SPECC1: variants seen among roughly 807,000 people sequenced by gnomAD.
SPECC1 encodes cytospin-B.
A neutral mutation model predicts 104.1 loss-of-function variants in SPECC1; 62 were observed. The ratio of observed to expected loss-of-function variants is 0.60; its 90% CI spans 0.49 to 0.74. SPECC1 has a LOEUF of 0.74. Among genes scored for constraint, SPECC1 ranks in the 30% least tolerant of loss-of-function variants. The probability of loss-of-function intolerance (pLI) is 0.00; values close to 1 mark genes in which losing one functional copy is unlikely to be tolerated. For synonymous variants in SPECC1, 513 were observed against 501.6 expected, an observed-to-expected ratio of 1.02 and a Z score of -0.30; for missense variants, 1,306 against 1,310.5, an observed-to-expected ratio of 1.00 and a Z score of 0.05.
intron 1 of SPECC1, among the ~76,000 whole-genome samples, chr17:20,070,039 T>A (rs1412463262): frequency 6.6e-6 from 1 of 152,144 alleles, no homozygotes; most frequent in Non-Finnish European, 1.5e-5. Context: ...TTTATACATA[T>A]AAGAGCATGT....
intron 12 of SPECC1, among the ~76,000 whole-genome samples, chr17:20,279,323 C>CTTTTTTTTTTTTTTTT (rs548300449): frequency 1.8e-5 from 2 of 113,732 alleles, no homozygotes; most frequent in African/African-American, 3.2e-5. Flanking sequence ...TTTTTTTTTT[C>CTTTTTTTTTTTTTTTT]TTTTTTTTTT....
chr17:20,236,863 C>T (rs756364489), intron 7 of SPECC1: 2 of 1,613,886 alleles, frequency 1.2e-6, no homozygotes, highest in Admixed American at 3.3e-5. Context: ...TTCACAGCTC[C>T]CTGGGCTCTG....
rs576431565 is a variant in SPECC1 at position 20,126,703 on chromosome 17, A to T, written c.283+16141A>T. On this transcript the variant is annotated intron_variant, in intron 3 of 14. Coordinates refer to ENST00000395527, the MANE Select transcript of SPECC1 (RefSeq NM_001243439.2). The stretch of plus-strand genomic sequence containing the variant: ...GTTCTTGCTGTTTTGTGCATGTGTG[A>T]CCCCAGTTGTGTTAAATGCTAGTGA... 5.9e-5 allele frequency among the ~76,000 whole-genome samples: 9 copies of T among 152,094 alleles called. No individual in the cohort carries two copies. The East Asian group carries it at 1.4e-3, about 23-fold the overall frequency.
intron 1 of SPECC1, among the ~76,000 whole-genome samples, chr17:20,069,453 G>A (rs2152479782): frequency 6.6e-6 from 1 of 152,214 alleles, no homozygotes; most frequent in East Asian, 1.9e-4. Context: ...AAGTTTTACA[G>A]CTATATTTTC....
At chr17:20,027,614 A>T (rs908284716) in intron 1 of SPECC1, among the ~76,000 whole-genome samples, 3 of 152,040 alleles carry the variant, frequency 2.0e-5, no homozygotes, top group African/African-American at 7.2e-5. Flanking sequence ...ATGGTGAGAG[A>T]TAGGGGTCTA....
intron 3 of SPECC1, chr17:20,156,251 C>CG (rs1180627952): frequency 1.5e-6 from 2 of 1,344,304 alleles, no homozygotes; most frequent in South Asian, 3.7e-5. Context: ...GTGCGGCTGG[C>CG]GGGGGTCGCG....
chr17:20,165,971 T>C (rs1050596967), intron 3 of SPECC1, among the ~76,000 whole-genome samples: 13 of 152,186 alleles, frequency 8.5e-5, no homozygotes, highest in African/African-American at 3.1e-4. Context: ...CTTGCAAAAA[T>C]GTTCTCCCAT....
intron 3 of SPECC1, among the ~76,000 whole-genome samples, chr17:20,192,753 T>C (rs1022190000): frequency 1.3e-5 from 2 of 152,232 alleles, no homozygotes; most frequent in Non-Finnish European, 2.9e-5. Flanking sequence ...GTGTGTAGTA[T>C]GGATATTATT....
rs2043862821 is a variant in SPECC1 at position 20,009,641 on chromosome 17, G to A, written c.-22+217G>A. Among the ~76,000 whole-genome samples the A allele has an allele frequency of 6.6e-6, 1 of 152,128 alleles. No individual in the cohort carries two copies. Among genetic ancestry groups the A allele is most frequent in the Admixed American group, 6.5e-5 (1 of 15,284 alleles). ...CAGCCCAGGAGGGACGTCCTGGCCT[G>A]TCCTGCCCGGCCCGGAGCGGTGGGA... On this transcript the variant is annotated intron_variant, in intron 1 of 14. Transcript: ENST00000395527. The surrounding 1 kb of genome is among the most constrained non-coding windows in gnomAD (Gnocchi z 5.2).
intron 4 of SPECC1, among the ~76,000 whole-genome samples, chr17:20,220,398 TAA>T (rs1352177778): frequency 2.6e-5 from 4 of 152,142 alleles, no homozygotes; most frequent in Non-Finnish European, 5.9e-5. Flanking sequence ...CTTCTTTGAT[TAA>T]GTTTATTCCT....
At chr17:20,081,174 A>G (rs2046958302) in intron 1 of SPECC1, among the ~76,000 whole-genome samples, 1 of 151,882 alleles carries the variant, frequency 6.6e-6, no homozygotes, top group African/African-American at 2.4e-5. Flanking sequence ...CCCAATTGAT[A>G]TCTGGTATTT....
intron 1 of SPECC1, among the ~76,000 whole-genome samples, chr17:20,062,253 CAAA>C (rs549906384): frequency 2.0e-4 from 15 of 76,026 alleles, no homozygotes; most frequent in Non-Finnish European, 1.8e-4. Flanking sequence ...ACTCTGTCGT[CAAA>C]AAAAAAAAAA....
At chr17:20,239,313 T>G (rs959777943) in intron 7 of SPECC1, 23 of 1,009,126 alleles carry the variant, frequency 2.3e-5, no homozygotes, top group African/African-American at 3.4e-5. Flanking sequence ...TTCTTCTCCC[T>G]CAGTACCACC....
chr17:20,103,415 C>T (rs931303189), intron 2 of SPECC1, among the ~76,000 whole-genome samples: 6 of 152,164 alleles, frequency 3.9e-5, no homozygotes, highest in Non-Finnish European at 2.9e-5. Context: ...TCGGCAGGGC[C>T]TCCTGATTCA....
intron 3 of SPECC1, among the ~76,000 whole-genome samples, chr17:20,185,810 T>TC (rs1243805812): frequency 9.5e-4 from 145 of 152,282 alleles, no homozygotes; most frequent in African/African-American, 3.4e-3. Flanking sequence ...ACAGGAGTCT[T>TC]CAAGTGTGGT....
intron 1 of SPECC1, among the ~76,000 whole-genome samples, chr17:20,033,401 A>G (rs557971232): frequency 6.6e-6 from 1 of 152,160 alleles, no homozygotes; most frequent in East Asian, 1.9e-4. Flanking sequence ...AATGAAGTTG[A>G]TTTCCCCCTG....
intron 1 of SPECC1, among the ~76,000 whole-genome samples, chr17:20,054,683 G>A (rs367815754): frequency 2.6e-5 from 4 of 151,250 alleles, no homozygotes; most frequent in African/African-American, 4.9e-5. Context: ...TCTTTTTTTG[G>A]GGGGGGTGGT....
chr17:20,103,037 G>C (rs968375666), intron 2 of SPECC1, among the ~76,000 whole-genome samples: 5 of 152,148 alleles, frequency 3.3e-5, no homozygotes, highest in Non-Finnish European at 2.9e-5. Context: ...TTTGCCCAAG[G>C]TCACACAGCT....
Position 20,139,848 on chromosome 17 carries a change from G to T in SPECC1, c.283+29286G>T, listed in dbSNP as rs562737044. ...CATCACCACGCCTGGCTAATTTTTT[G>T]TATTTTTAGTAGAGACGGGGTTTCG... is the stretch of plus-strand genomic sequence containing the variant. On this transcript the variant is annotated intron_variant, in intron 3 of 14. Transcript: ENST00000395527. 6.6e-5 allele frequency among the ~76,000 whole-genome samples: 10 copies of T among 152,138 alleles called. No individual in the cohort carries two copies. The South Asian group carries it at 2.1e-3, about 32-fold the overall frequency.
Sources: gnomAD v4.1 joint callset for allele counts (sites outside exome capture counted in the v4.1 genomes callset) on GRCh38, gnomAD v4.1.1 for gene constraint, Gnocchi (gnomAD v3.1) non-coding constraint, MANE v1.5 for transcripts, NCBI Gene and HGNC (gene_info 2026-07-23, HGNC 2026-07-21) for gene names.